The following VIT variants were observed in gnomAD, a reference collection of about 807,000 sequenced individuals.
The protein encoded by VIT is vitrin.
In VIT, 99 loss-of-function variants were observed where a neutral mutation model predicts 78.0. The observed-to-expected ratio is 1.27, with a 90% CI of 1.08 to 1.50. The LOEUF is 1.50. Ranked by LOEUF, VIT falls within the 40% of genes most tolerant of loss-of-function variation. VIT has a pLI of 0.00. For missense variants in VIT, 1,126 were observed against 875.3 expected (o/e 1.29, Z -3.61); for synonymous variants, 374 against 334.3 (o/e 1.12, Z -1.29).
chr2:36,758,903 G>A, intron 5 of VIT, 66 bp from the exon 6 acceptor site: 1 of 1,394,034 alleles, frequency 7.2e-7, no homozygotes, highest in Non-Finnish European at 1.0e-6. Context: ...AATCAACTTA[G>A]TACAGAACCA....
At chr2:36,772,364 C>A (rs1208851300) in intron 7 of VIT, among the ~76,000 whole-genome samples, 1 of 152,090 alleles carries the variant, frequency 6.6e-6, no homozygotes. Context: ...TGGAGAAAAC[C>A]CATCTCTAAT....
intron 13 of VIT, among the ~76,000 whole-genome samples, chr2:36,804,329 G>C (rs1666547446): frequency 6.6e-6 from 1 of 152,164 alleles, no homozygotes; most frequent in Admixed American, 6.5e-5. Flanking sequence ...TGTGCCCTTG[G>C]CCTGGAACTG....
At chr2:36,713,372 T>C (rs1665923890) in intron 1 of VIT, among the ~76,000 whole-genome samples, 1 of 152,152 alleles carries the variant, frequency 6.6e-6, no homozygotes, top group Non-Finnish European at 1.5e-5. Context: ...GATTACTAAC[T>C]GAGCAGGAGA....
intron 6 of VIT, among the ~76,000 whole-genome samples, chr2:36,765,526 C>T (rs1009190385): frequency 7.2e-5 from 11 of 152,264 alleles, no homozygotes; most frequent in Non-Finnish European, 1.2e-4. Flanking sequence ...GACACCGCCC[C>T]CATGATCCAA....
chr2:36,805,718 A>T, intron 14 of VIT, 54 bp downstream of exon 14: 1 of 1,563,890 alleles, frequency 6.4e-7, no homozygotes, highest in Non-Finnish European at 8.7e-7. Context: ...CACTCTGAAA[A>T]ATTGTAACGC....
chr2:36,805,859 C>G (rs1558591331), intron 14 of VIT, among the ~76,000 whole-genome samples, 195 bp downstream of exon 14: 1 of 152,166 alleles, frequency 6.6e-6, no homozygotes, highest in Non-Finnish European at 1.5e-5. Context: ...CACCCACCAG[C>G]AGCTGTGGAG....
chr2:36,708,412 C>T (rs1223964549), intron 1 of VIT, among the ~76,000 whole-genome samples: 1 of 152,188 alleles, frequency 6.6e-6, no homozygotes, highest in East Asian at 1.9e-4. Flanking sequence ...CAAACACCAA[C>T]ATTACATAAA....
chr2:36,716,633 A>T (rs903308774), intron 2 of VIT, among the ~76,000 whole-genome samples: 6 of 152,134 alleles, frequency 3.9e-5, no homozygotes, highest in African/African-American at 1.4e-4. Flanking sequence ...ATGTAAAGCA[A>T]ATACTGTATA....
chr2:36,770,682 A>G (rs927373284), intron 7 of VIT, among the ~76,000 whole-genome samples: 1 of 152,208 alleles, frequency 6.6e-6, no homozygotes, highest in Non-Finnish European at 1.5e-5. Flanking sequence ...AGATATGCTT[A>G]GGAAAGAGTT....
chr2:36,768,523 C>T (rs140853510), intron 7 of VIT, among the ~76,000 whole-genome samples: 7 of 152,328 alleles, frequency 4.6e-5, no homozygotes, highest in African/African-American at 7.2e-5. Context: ...TTGAATCCTC[C>T]GTAACAACCC....
intron 6 of VIT, among the ~76,000 whole-genome samples, chr2:36,765,028 C>T (rs1286749654): frequency 6.6e-6 from 1 of 152,022 alleles, no homozygotes; most frequent in Non-Finnish European, 1.5e-5. Flanking sequence ...GGCTGAAAAA[C>T]ACCCTGGAAA....
intron 9 of VIT, 31 bp downstream of exon 9, chr2:36,775,098 C>A: frequency 6.2e-7 from 1 of 1,611,874 alleles, no homozygotes; most frequent in Non-Finnish European, 8.5e-7. Flanking sequence ...CATCTCTGCT[C>A]CCTAGGAATT....
chr2:36,764,678 A>C (rs1669313910), intron 6 of VIT, among the ~76,000 whole-genome samples: 1 of 152,202 alleles, frequency 6.6e-6, no homozygotes, highest in South Asian at 2.1e-4. Flanking sequence ...GCTGAATTCC[A>C]ACCCGATTCC....
chr2:36,728,009 A>G (rs1364358201), intron 2 of VIT, among the ~76,000 whole-genome samples: 1 of 151,440 alleles, frequency 6.6e-6, no homozygotes. Context: ...GCTCACTGCA[A>G]TTTCTGCCTC....
intron 3 of VIT, among the ~76,000 whole-genome samples, chr2:36,741,409 C>T (rs190034007): frequency 6.6e-6 from 1 of 152,248 alleles, no homozygotes; most frequent in Non-Finnish European, 1.5e-5. Context: ...TTGCTTAAGC[C>T]TGTGATCAAA....
chr2:36,794,279 AC>A (rs1280154195), intron 12 of VIT, among the ~76,000 whole-genome samples: 1 of 152,100 alleles, frequency 6.6e-6, no homozygotes, highest in Non-Finnish European at 1.5e-5. Flanking sequence ...TGAGCTAACA[AC>A]CTCTATGTTT....
intron 9 of VIT, 24 bp downstream of exon 9, chr2:36,775,091 C>G (rs760761821): frequency 1.2e-6 from 2 of 1,612,504 alleles, no homozygotes; most frequent in Admixed American, 3.3e-5. Context: ...TGCTTACCAT[C>G]TCTGCTCCCT....
intron 12 of VIT, among the ~76,000 whole-genome samples, chr2:36,790,947 G>A (rs553377506): frequency 2.0e-5 from 3 of 152,230 alleles, no homozygotes; most frequent in East Asian, 1.9e-4. Flanking sequence ...CTCTAGTAAC[G>A]TGGCCAAACA....
At chr2:36,776,094 T>G (rs1329675790) in intron 9 of VIT, among the ~76,000 whole-genome samples, 5 of 152,230 alleles carry the variant, frequency 3.3e-5, no homozygotes, top group African/African-American at 1.2e-4. Flanking sequence ...ACAGAGGCCT[T>G]TACCCTATAT....
Sources: gnomAD v4.1 joint callset for allele counts (sites outside exome capture counted in the v4.1 genomes callset) on GRCh38, gnomAD v4.1.1 for gene constraint, MANE v1.5 for transcripts, NCBI Gene and HGNC (gene_info 2026-07-23, HGNC 2026-07-21) for gene names.